CARMIL1: variants seen among roughly 807,000 people sequenced by gnomAD.
CARMIL1 encodes F-actin-uncapping protein LRRC16A.
A neutral mutation model predicts 177.1 loss-of-function variants in CARMIL1; 90 were observed. That is an observed-to-expected ratio of 0.51 (90% CI 0.43 to 0.61). CARMIL1 has a LOEUF of 0.61. Ranked by LOEUF, CARMIL1 falls within the 20% of genes least tolerant of loss-of-function variation. The pLI is 0.00. For synonymous variants in CARMIL1, 577 were observed against 606.2 expected, an observed-to-expected ratio of 0.95 and a Z score of 0.71; for missense variants, 1,380 against 1,667.0, an observed-to-expected ratio of 0.83 and a Z score of 3.00.
intron 25 of CARMIL1, among the ~76,000 whole-genome samples, chr6:25,539,540 G>T (rs970403230): frequency 6.9e-6 from 1 of 145,788 alleles, no homozygotes; most frequent in African/African-American, 2.6e-5. Flanking sequence ...CAGGAGAATC[G>T]CTTGAACCCG....
rs372873749 is a variant in CARMIL1, at chr6:25,426,859, G to A, written c.249+299G>A. Among the ~76,000 whole-genome samples, 14 of 152,266 alleles carry A rather than the reference G, an allele frequency of 9.2e-5. 2 individuals carry two copies. In the South Asian group the frequency reaches 1.7e-3, roughly 18 times the overall value. On this transcript the variant is annotated intron_variant, in intron 4 of 36. Coordinates refer to ENST00000329474, the MANE Select transcript of CARMIL1 (RefSeq NM_017640.6). ...CATGCTTTAACACTAAAATTGCATA[G>A]CAATTGTATAGTACTATATAAGGGC...
chr6:25,541,773 C>T (rs1020959511), intron 26 of CARMIL1, among the ~76,000 whole-genome samples: 2 of 152,140 alleles, frequency 1.3e-5, no homozygotes, highest in African/African-American at 4.8e-5. Context: ...CCTGTGTCAG[C>T]CTCCCAAGTA....
At chr6:25,296,893 T>TTATG (rs1554153450) in intron 2 of CARMIL1, among the ~76,000 whole-genome samples, 2 of 85,918 alleles carry the variant, frequency 2.3e-5, no homozygotes, top group Non-Finnish European at 4.5e-5. Context: ...ATATCTATCT[T>TTATG]TATCTATCTA....
chr6:25,427,436 C>T (rs1796369034), intron 4 of CARMIL1, among the ~76,000 whole-genome samples: 1 of 152,158 alleles, frequency 6.6e-6, no homozygotes, highest in Admixed American at 6.5e-5. Flanking sequence ...GGCTATATTA[C>T]AGTTCGTTTA....
intron 2 of CARMIL1, among the ~76,000 whole-genome samples, chr6:25,364,133 T>TG (rs1198142827): frequency 1.3e-5 from 2 of 152,072 alleles, no homozygotes; most frequent in South Asian, 2.1e-4. Flanking sequence ...TGTGTAGAGA[T>TG]GGGGTCTCAC....
chr6:25,518,684 A>G (rs1806250918), intron 22 of CARMIL1, among the ~76,000 whole-genome samples: 1 of 152,210 alleles, frequency 6.6e-6, no homozygotes, highest in Admixed American at 6.5e-5. Context: ...CTGCCAGTGC[A>G]GGCTGGTGTT....
chr6:25,441,377 G>GTGTC (rs1797777703), intron 5 of CARMIL1, among the ~76,000 whole-genome samples: 1 of 146,602 alleles, frequency 6.8e-6, no homozygotes, highest in Non-Finnish European at 1.5e-5. Context: ...GTGTGTCTAT[G>GTGTC]TGTGTGTGTG....
intron 5 of CARMIL1, among the ~76,000 whole-genome samples, chr6:25,437,301 CT>C (rs1196646731): frequency 6.6e-6 from 1 of 152,184 alleles, no homozygotes; most frequent in African/African-American, 2.4e-5. Flanking sequence ...TATCTAGAAT[CT>C]CTATTTTCTT....
chr6:25,470,263 T>G (rs1479769193), intron 9 of CARMIL1, among the ~76,000 whole-genome samples: 1 of 152,232 alleles, frequency 6.6e-6, no homozygotes. Context: ...CTATTAAGTT[T>G]ATGACATCTT....
chr6:25,435,851 A>G (rs1238633867), intron 5 of CARMIL1, among the ~76,000 whole-genome samples: 1 of 152,176 alleles, frequency 6.6e-6, no homozygotes, highest in Non-Finnish European at 1.5e-5. Context: ...TTAACTTCTC[A>G]TAAGACTAAA....
intron 2 of CARMIL1, among the ~76,000 whole-genome samples, chr6:25,349,414 G>C (rs751000765): frequency 6.6e-6 from 1 of 152,140 alleles, no homozygotes; most frequent in Admixed American, 6.5e-5. Context: ...CATTATTCAC[G>C]GACCTGCTGT....
intron 2 of CARMIL1, among the ~76,000 whole-genome samples, chr6:25,331,923 C>G (rs1025654584): frequency 6.6e-6 from 1 of 152,220 alleles, no homozygotes; most frequent in Non-Finnish European, 1.5e-5. Context: ...TTGCTTTTAG[C>G]ATTTAGTGCC....
intron 3 of CARMIL1, among the ~76,000 whole-genome samples, chr6:25,420,954 C>T (rs7742896): frequency 0.13 from 19,942 of 152,122 alleles, 1,705 homozygotes; most frequent in East Asian, 0.3. Flanking sequence ...TGATCCTTAA[C>T]AGAATCTCAT....
chr6:25,459,266 C>CTTTCTTTCTTTCTTTCTTTCTTT, intron 8 of CARMIL1, among the ~76,000 whole-genome samples: 2 of 73,766 alleles, frequency 2.7e-5, no homozygotes, highest in Admixed American at 1.6e-4. Flanking sequence ...TTCTTTCTTT[C>CTTTCTTTCTTTCTTTCTTTCTTT]TTTTTTTTTT....
intron 2 of CARMIL1, among the ~76,000 whole-genome samples, chr6:25,392,611 TG>T (rs575369359): frequency 9.8e-5 from 15 of 152,328 alleles, no homozygotes; most frequent in Admixed American, 2.0e-4. Flanking sequence ...GGCTCAGATC[TG>T]TGTAACTGAA....
chr6:25,421,976 T>C (rs1168590659), intron 3 of CARMIL1, among the ~76,000 whole-genome samples: 2 of 151,664 alleles, frequency 1.3e-5, no homozygotes, highest in Non-Finnish European at 2.9e-5. Flanking sequence ...CATATGTAAC[T>C]AACCTGCACA....
At chr6:25,533,411 GT>G (rs958048525) in intron 24 of CARMIL1, among the ~76,000 whole-genome samples, 21 of 152,164 alleles carry the variant, frequency 1.4e-4, no homozygotes, top group African/African-American at 3.1e-4. Context: ...TTAAGCCTCA[GT>G]TTTTTCATCT....
At chr6:25,523,180 A>G (rs1477068550) in intron 23 of CARMIL1, among the ~76,000 whole-genome samples, 3 of 152,240 alleles carry the variant, frequency 2.0e-5, no homozygotes, top group Non-Finnish European at 4.4e-5. Flanking sequence ...GTATGGCAAA[A>G]GAAATCAAGA....
At chr6:25,576,929 A>C (rs984093818) in intron 29 of CARMIL1, 4 of 922,532 alleles carry the variant, frequency 4.3e-6, no homozygotes, top group Admixed American at 6.2e-5. Flanking sequence ...CTGTTGCTTT[A>C]TCTCTCTTCC....
Sources: allele counts gnomAD v4.1 joint callset (sites outside exome capture counted in the v4.1 genomes callset), GRCh38; gene constraint gnomAD v4.1.1; transcripts MANE v1.5; gene names NCBI Gene and HGNC (gene_info 2026-07-23, HGNC 2026-07-21).